PDE4D: variants seen among roughly 807,000 people sequenced by gnomAD.
PDE4D encodes the protein 3',5'-cyclic-AMP phosphodiesterase 4D.
In PDE4D, 24 loss-of-function variants were observed where a neutral mutation model predicts 87.4. The ratio of observed to expected loss-of-function variants is 0.27; its 90% CI spans 0.20 to 0.39. The LOEUF (loss-of-function observed/expected upper bound fraction) is 0.39, where lower values mean the gene tolerates loss of function less well. PDE4D is among the 10% of genes least tolerant of loss of function. The pLI is 1.00. For synonymous variants in PDE4D, 384 were observed against 383.2 expected, an observed-to-expected ratio of 1.00 and a Z score of -0.02; for missense variants, 714 against 1,041.0, an observed-to-expected ratio of 0.69 and a Z score of 4.32.
chr5:59,316,729 G>A (rs1391843886), intron 1 of PDE4D, among the ~76,000 whole-genome samples: 1 of 152,144 alleles, frequency 6.6e-6, no homozygotes, highest in Non-Finnish European at 1.5e-5. Context: ...AGTTGTGGAC[G>A]GAGGAAACAG....
At chr5:59,987,696 C>A (rs1178571519) in intron 3 of PDE4D, 1 of 152,210 alleles carries the variant, frequency 6.6e-6, no homozygotes, top group African/African-American at 2.4e-5. Flanking sequence ...GTATGGCCCA[C>A]TGGCTTCATC....
chr5:60,231,584 T>TA (rs1231563967), intron 1 of PDE4D, among the ~76,000 whole-genome samples: 1 of 151,880 alleles, frequency 6.6e-6, no homozygotes, highest in African/African-American at 2.4e-5. Flanking sequence ...GTATGTCCAA[T>TA]AAAAATCCAT....
intron 5 of PDE4D, among the ~76,000 whole-genome samples, chr5:59,054,015 A>G (rs1275492359): frequency 6.6e-6 from 1 of 152,154 alleles, no homozygotes; most frequent in Non-Finnish European, 1.5e-5. Flanking sequence ...AATTTATTCA[A>G]TGAATAAATT....
intron 1 of PDE4D, among the ~76,000 whole-genome samples, chr5:59,262,377 T>C (rs1249658027): frequency 3.3e-5 from 5 of 151,988 alleles, no homozygotes; most frequent in Non-Finnish European, 5.9e-5. Context: ...AGCTAGAAAA[T>C]GTTTCTGTAC....
chr5:59,552,630 A>C (rs1818309613), intron 1 of PDE4D, among the ~76,000 whole-genome samples: 1 of 152,222 alleles, frequency 6.6e-6, no homozygotes, highest in Non-Finnish European at 1.5e-5. Flanking sequence ...TTTTAAAAAA[A>C]ACTAACAACA....
Position 60,473,899 on chromosome 5 carries a change from T to C in PDE4D, c.-90+14043A>G, listed in dbSNP as rs919715232. ...CGCCGCATTATTCTGCTTCAAAGCC[T>C]TTGAAGAGGCTACTTCCTTTACCTA... On this transcript the variant is annotated intron_variant, in intron 1 of 16. Coordinates refer to the PDE4D transcript ENST00000502484. Among the ~76,000 whole-genome samples the C allele has an allele frequency of 3.6e-3, 476 of 131,414 alleles. 3 individuals are homozygous for C. The highest frequency in any genetic ancestry group is 0.013 in the African/African-American group (437 of 34,862). The allele number at this position is 131,414 out of a possible 152,430, so 86.2% of individuals were successfully genotyped here.
intron 1 of PDE4D, among the ~76,000 whole-genome samples, chr5:60,425,469 T>G (rs1020035425): frequency 1.3e-5 from 2 of 152,204 alleles, no homozygotes. Flanking sequence ...CTGGGAAAAC[T>G]GGCTAGCCAT....
intron 2 of PDE4D, among the ~76,000 whole-genome samples, chr5:60,144,757 A>C (rs1780852235): frequency 1.3e-5 from 2 of 152,168 alleles, no homozygotes; most frequent in Non-Finnish European, 2.9e-5. Context: ...TCTTCACTAT[A>C]CTTAAGCATC....
chr5:60,070,566 C>T lies in PDE4D; in HGVS notation c.43-81849G>A, dbSNP rs76905526. Among the ~76,000 whole-genome samples the T allele has an allele frequency of 1.3e-3, 192 of 151,974 alleles. 1 individual carries two copies. The highest frequency in any genetic ancestry group is 2.3e-3 in the Non-Finnish European group (153 of 67,932). ...TCCCATTTGGTCATGGTGTATAATC[C>T]CCTTAATGTGCTCTTGGATTCAGTT... On this transcript the variant is annotated intron_variant, in intron 2 of 16. Coordinates refer to the PDE4D transcript ENST00000502484.
At chr5:59,276,234 G>C (rs1300384383) in intron 1 of PDE4D, 5 of 630,644 alleles carry the variant, frequency 7.9e-6, no homozygotes, top group Non-Finnish European at 9.9e-6. Flanking sequence ...ACTGTAAACC[G>C]GCCAAGCAGA....
chr5:60,385,903 C>T (rs1762158956), intron 1 of PDE4D, among the ~76,000 whole-genome samples: 1 of 152,084 alleles, frequency 6.6e-6, no homozygotes, highest in Non-Finnish European at 1.5e-5. Flanking sequence ...TGGGCACTTC[C>T]ACCTGTGCCA....
intron 1 of PDE4D, among the ~76,000 whole-genome samples, chr5:59,699,844 AAGTATC>A (rs1752307079): frequency 6.6e-6 from 1 of 152,200 alleles, no homozygotes; most frequent in Admixed American, 6.5e-5. Flanking sequence ...GATGCCAATT[AAGTATC>A]AGTATATCCC....
chr5:59,380,405 A>AAAAG (rs1554148718), intron 1 of PDE4D, among the ~76,000 whole-genome samples: 2 of 137,962 alleles, frequency 1.4e-5, no homozygotes, highest in Non-Finnish European at 3.1e-5. Context: ...AAAAAAAAAA[A>AAAAG]AGAGAGAGAA....
At chr5:60,395,462 A>G (rs1762828826) in intron 1 of PDE4D, among the ~76,000 whole-genome samples, 1 of 152,206 alleles carries the variant, frequency 6.6e-6, no homozygotes, top group Non-Finnish European at 1.5e-5. Flanking sequence ...TACAAAGAAC[A>G]TTATTATTAA....
intron 1 of PDE4D, among the ~76,000 whole-genome samples, chr5:59,884,324 C>A (rs1749866858): frequency 6.6e-6 from 1 of 151,750 alleles, no homozygotes; most frequent in African/African-American, 2.4e-5. Flanking sequence ...CACACATACA[C>A]CTACATACAT....
At chr5:60,304,825 T>C (rs73104797) in intron 1 of PDE4D, among the ~76,000 whole-genome samples, 8,265 of 151,842 alleles carry the variant, frequency 0.054, 753 homozygotes, top group African/African-American at 0.19. Context: ...ATACTTTAAA[T>C]AAAAATTAAC....
intron 3 of PDE4D, among the ~76,000 whole-genome samples, chr5:59,934,634 C>T (rs533959150): frequency 2.0e-4 from 31 of 152,140 alleles, no homozygotes; most frequent in Non-Finnish European, 4.1e-4. Context: ...GGGCTGTCTT[C>T]TAAATAGCAA....
At chr5:59,409,687 C>A (rs1276393230) in intron 1 of PDE4D, among the ~76,000 whole-genome samples, 3 of 152,162 alleles carry the variant, frequency 2.0e-5, no homozygotes, top group African/African-American at 7.2e-5. Flanking sequence ...ATGCCAGCAC[C>A]ATGCTTGTAC....
chr5:59,093,155 T>G (rs1011979571), intron 5 of PDE4D, among the ~76,000 whole-genome samples: 8 of 150,798 alleles, frequency 5.3e-5, no homozygotes, highest in Non-Finnish European at 2.9e-5. Flanking sequence ...GAGAGTAAAT[T>G]CCAAGAGAAA....
Sources: allele counts gnomAD v4.1 joint callset (sites outside exome capture counted in the v4.1 genomes callset), GRCh38; gene constraint gnomAD v4.1.1; transcripts MANE v1.5; gene names NCBI Gene and HGNC (gene_info 2026-07-23, HGNC 2026-07-21).